ALLC: variants seen among roughly 807,000 people sequenced by gnomAD.
The protein encoded by ALLC is allantoicase.
ALLC carries 40 observed loss-of-function variants against 45.0 expected under a neutral mutation model. The ratio of observed to expected loss-of-function variants is 0.89; its 90% CI spans 0.69 to 1.16. ALLC has a LOEUF of 1.16. Among genes scored for constraint, ALLC ranks in the 50% most tolerant of loss-of-function variants. ALLC has a pLI of 0.00. For missense variants in ALLC, 488 were observed against 493.1 expected, an observed-to-expected ratio of 0.99 and a Z score of 0.10; for synonymous variants, 176 against 178.1, an observed-to-expected ratio of 0.99 and a Z score of 0.09.
At chr2:3,666,100 G>A (rs1440387133) in intron 1 of ALLC, among the ~76,000 whole-genome samples, 1 of 152,222 alleles carries the variant, frequency 6.6e-6, no homozygotes, top group Non-Finnish European at 1.5e-5. Flanking sequence ...CACCTCCCGT[G>A]CCCTCTGCTT....
chr2:3,654,053 G>A (rs1330724627), upstream of ALLC, among the ~76,000 whole-genome samples: 2 of 152,222 alleles, frequency 1.3e-5, no homozygotes, highest in Non-Finnish European at 2.9e-5. Context: ...CTGGTGCCAC[G>A]GTCTCATCTG....
chr2:3,651,891 G>A, the ALLC span, among the ~76,000 whole-genome samples: 5 of 152,158 alleles, frequency 3.3e-5, no homozygotes, highest in Non-Finnish European at 7.3e-5. Flanking sequence ...GGCAACTCAA[G>A]GTCACTGCAT....
chr2:3,656,302 C>T (rs572795797), upstream of ALLC, among the ~76,000 whole-genome samples: 146 of 152,350 alleles, frequency 9.6e-4, no homozygotes, highest in African/African-American at 3.5e-3. Context: ...CTACGGAGCT[C>T]CGAGAACAGC....
intron 10 of ALLC, among the ~76,000 whole-genome samples, chr2:3,700,901 C>T (rs1436208947): frequency 2.0e-5 from 3 of 152,126 alleles, no homozygotes; most frequent in African/African-American, 7.2e-5. Context: ...AGTAGAAGTT[C>T]TCTCTTCTCA....
chr2:3,685,013 A>G (rs531996900), intron 7 of ALLC, among the ~76,000 whole-genome samples: 12 of 152,328 alleles, frequency 7.9e-5, no homozygotes, highest in African/African-American at 2.4e-4. Context: ...AAACAGTGTC[A>G]CAGTAAACTT....
chr2:3,702,297 G>C, intron 11 of ALLC, 66 bp from the exon 12 acceptor site: 1 of 1,439,404 alleles, frequency 6.9e-7, no homozygotes, highest in Non-Finnish European at 9.5e-7. Flanking sequence ...TGCCCGGGCC[G>C]TGGGCTCATT....
intron 7 of ALLC, among the ~76,000 whole-genome samples, chr2:3,693,688 C>T (rs1667580309): frequency 1.3e-5 from 2 of 152,164 alleles, no homozygotes; most frequent in Non-Finnish European, 2.9e-5. Flanking sequence ...TTGACAGAGT[C>T]CTTGTCCTTA....
At chr2:3,650,365 C>T in the ALLC span, among the ~76,000 whole-genome samples, 2 of 152,236 alleles carry the variant, frequency 1.3e-5, no homozygotes. Context: ...TGGCCGGCCA[C>T]CGGGCTGATG....
At chr2:3,692,531 C>G (rs1451711382) in intron 7 of ALLC, among the ~76,000 whole-genome samples, 1 of 152,160 alleles carries the variant, frequency 6.6e-6, no homozygotes, top group Non-Finnish European at 1.5e-5. Flanking sequence ...TTATTTCCTG[C>G]TAGGTAGCTG....
rs1437670142 is a variant in ALLC at position 3,702,449 on chromosome 2, CGA to C, written c.1063_1064del (p.Asp355ArgfsTer65). 6.2e-7 allele frequency: 1 copy of C among 1,612,824 alleles called. No homozygotes were observed. The highest frequency in any genetic ancestry group is 1.7e-5 in the Admixed American group (1 of 59,984). On this transcript the variant is annotated frameshift_variant, in exon 12 of 12. Transcript: ENST00000252505. LOFTEE classifies it high-confidence loss of function. ...CTCACGCCAGGCTCACCATCGTCCCCGACGGGGGAGTGAGCCGCCTTCGGCTC... is the reference window on the plus strand; with the variant it reads ...CTCACGCCAGGCTCACCATCGTCCCCCGGGGGAGTGAGCCGCCTTCGGCTC... ...ITHARLTIVP[D>X]GGVSRLRLRG...
intron 7 of ALLC, among the ~76,000 whole-genome samples, chr2:3,685,574 A>T (rs1667317551): frequency 6.6e-6 from 1 of 150,878 alleles, no homozygotes; most frequent in Non-Finnish European, 1.5e-5. Context: ...CCACCCCATC[A>T]TCCAATCACC....
chr2:3,665,154 CCTGT>C, intron 1 of ALLC, among the ~76,000 whole-genome samples: 1 of 152,230 alleles, frequency 6.6e-6, no homozygotes, highest in Admixed American at 6.5e-5. Flanking sequence ...CTGGAAAGGG[CCTGT>C]CTGCTTGGCG....
At chr2:3,665,325 T>C (rs1434271367) in intron 1 of ALLC, among the ~76,000 whole-genome samples, 3 of 151,776 alleles carry the variant, frequency 2.0e-5, no homozygotes, top group African/African-American at 7.2e-5. Context: ...TAAATTTTAT[T>C]TTAAGTTCTG....
chr2:3,680,588 G>T lies in ALLC; in HGVS notation c.298+594G>T, dbSNP rs1248005169. On this transcript the variant is annotated intron_variant, in intron 5 of 11. Coordinates refer to ENST00000252505, the MANE Select transcript of ALLC (RefSeq NM_018436.4). The surrounding 1 kb of genome is among the most constrained non-coding windows in gnomAD (Gnocchi z 4.0). ...AGAAAGAGGCTGACAAATCCAGTCTGTTGGTAACGGGTATTTTATTGGGGG... is the reference window on the plus strand; with the variant it reads ...AGAAAGAGGCTGACAAATCCAGTCTTTTGGTAACGGGTATTTTATTGGGGG... Among the ~76,000 whole-genome samples the T allele has an allele frequency of 2.0e-5, 3 of 152,226 alleles. No homozygotes were observed. Among genetic ancestry groups the T allele is most frequent in the African/African-American group, 7.2e-5 (3 of 41,448 alleles).
In ALLC at chr2:3,678,455, G is replaced by A. The variant is rs1245912166; in HGVS notation, c.85-13G>A. On this transcript the variant is annotated splice_polypyrimidine_tract_variant and intron_variant, in intron 3 of 11. Coordinates refer to ENST00000252505, the MANE Select transcript of ALLC (RefSeq NM_018436.4). ...GAATGTTAATGATCACCTTGTTGTG[G>A]TCTTTGCCCTAGAGTGACAGCCCGT... 4.4e-6 allele frequency: 7 copies of A among 1,608,220 alleles called. No homozygotes were observed. The East Asian group carries it at 1.6e-4, about 36-fold the overall frequency.
intron 1 of ALLC, 110 bp downstream of exon 1, chr2:3,658,404 G>A (rs188941786): frequency 6.6e-6 from 1 of 152,244 alleles, no homozygotes; most frequent in Non-Finnish European, 1.5e-5. Context: ...CTCGACACTT[G>A]GAAGGTGACA....
chr2:3,649,593 T>C, the ALLC span, among the ~76,000 whole-genome samples: 9 of 152,204 alleles, frequency 5.9e-5, no homozygotes, highest in Admixed American at 5.2e-4. Flanking sequence ...ACACATACAT[T>C]TAAGAAAGAT....
At chr2:3,660,421 C>T (rs1209688691) in intron 1 of ALLC, among the ~76,000 whole-genome samples, 8 of 152,128 alleles carry the variant, frequency 5.3e-5, no homozygotes, top group Non-Finnish European at 1.2e-4. Context: ...CACAAATAGG[C>T]TAAGACACTG....
intron 10 of ALLC, among the ~76,000 whole-genome samples, chr2:3,699,979 G>A (rs1558550457): frequency 6.6e-6 from 1 of 152,130 alleles, no homozygotes; most frequent in African/African-American, 2.4e-5. Flanking sequence ...TTATTTTGCT[G>A]TGCAGAAGCT....
Sources: gnomAD v4.1 joint callset for allele counts (sites outside exome capture counted in the v4.1 genomes callset) on GRCh38, gnomAD v4.1.1 for gene constraint, Gnocchi (gnomAD v3.1) non-coding constraint, MANE v1.5 for transcripts, NCBI Gene and HGNC (gene_info 2026-07-23, HGNC 2026-07-21) for gene names.